RNLS: variants seen among roughly 807,000 people sequenced by gnomAD.
The protein encoded by RNLS is renalase, FAD dependent amine oxidase.
A neutral mutation model predicts 39.8 loss-of-function variants in RNLS; 39 were observed. The ratio of observed to expected loss-of-function variants is 0.98; its 90% confidence interval spans 0.76 to 1.28. RNLS has a LOEUF of 1.28. Ranked by LOEUF, RNLS falls within the 50% of genes most tolerant of loss-of-function variation. The pLI, the probability that RNLS is intolerant of heterozygous loss-of-function variation, is 0.00. For missense variants in RNLS, 410 were observed against 413.3 expected (o/e 0.99, Z 0.07); for synonymous variants, 147 against 150.7 (o/e 0.98, Z 0.18).
intron 3 of RNLS, 109 bp from the exon 4 acceptor site, chr10:88,573,170 C>T (rs905020147): frequency 1.1e-5 from 10 of 904,358 alleles, no homozygotes; most frequent in Middle Eastern, 2.3e-4. Flanking sequence ...ATGGCCAAGA[C>T]TGTCTTCTAC....
chr10:88,337,801 C>T (rs1174910830), intron 5 of RNLS, among the ~76,000 whole-genome samples: 2 of 152,208 alleles, frequency 1.3e-5, no homozygotes, highest in African/African-American at 2.4e-5. Context: ...TTTTATGTCA[C>T]TTGCAACTTA....
the RNLS span, among the ~76,000 whole-genome samples, chr10:88,189,975 C>A: frequency 6.6e-6 from 1 of 152,208 alleles, no homozygotes; most frequent in Non-Finnish European, 1.5e-5. Flanking sequence ...ATAACCAGAA[C>A]CATGACTCCT....
intron 6 of RNLS, among the ~76,000 whole-genome samples, chr10:88,290,058 T>G (rs1164139800): frequency 6.6e-6 from 1 of 151,902 alleles, no homozygotes; most frequent in Non-Finnish European, 1.5e-5. Flanking sequence ...AAAGTGCTTT[T>G]GGTGTGAAAA....
the RNLS span, among the ~76,000 whole-genome samples, chr10:88,175,851 G>A: frequency 6.6e-6 from 1 of 152,080 alleles, no homozygotes; most frequent in African/African-American, 2.4e-5. Context: ...GTCCCTCCCT[G>A]CTATTGTATT....
chr10:88,484,491 A>G (rs1372442664), intron 4 of RNLS, among the ~76,000 whole-genome samples: 1 of 152,026 alleles, frequency 6.6e-6, no homozygotes, highest in Non-Finnish European at 1.5e-5. Context: ...TAAACACAGC[A>G]TTCAATATCT....
intron 5 of RNLS, among the ~76,000 whole-genome samples, chr10:88,347,537 A>G (rs1564715251): frequency 6.6e-6 from 1 of 152,144 alleles, no homozygotes; most frequent in Non-Finnish European, 1.5e-5. Flanking sequence ...TAAAGAAACC[A>G]TAACGTTCCT....
chr10:88,212,957 TGATTCA>T, the RNLS span, among the ~76,000 whole-genome samples: 1 of 152,204 alleles, frequency 6.6e-6, no homozygotes, highest in Non-Finnish European at 1.5e-5. Context: ...TTCAAATGTG[TGATTCA>T]GAAGAATGTG....
chr10:88,432,547 T>C (rs1855196123), intron 4 of RNLS, among the ~76,000 whole-genome samples: 1 of 151,968 alleles, frequency 6.6e-6, no homozygotes, highest in African/African-American at 2.4e-5. Flanking sequence ...CCATCTTTTC[T>C]CTTTTTTTTC....
chr10:88,248,588 C>T, the RNLS span, among the ~76,000 whole-genome samples: 10 of 152,268 alleles, frequency 6.6e-5, no homozygotes, highest in East Asian at 3.9e-4. Flanking sequence ...AATTTTTCAA[C>T]GCTCAATCTT....
At chr10:88,198,993 T>C in the RNLS span, among the ~76,000 whole-genome samples, 1 of 152,172 alleles carries the variant, frequency 6.6e-6, no homozygotes, top group Non-Finnish European at 1.5e-5. Context: ...CTCCCTGCAC[T>C]CATTCCACCA....
chr10:88,441,875 G>A lies in RNLS; in HGVS notation c.527-79150C>T, dbSNP rs982837974. On this transcript the variant is annotated intron_variant, in intron 4 of 6. Transcript: ENST00000331772. ...CTTAATGGGGTTCCTGAGGAGGGCA[G>A]CTCCTAGCTGTGATGCCTTCCTTTA... 2.6e-5 allele frequency among the ~76,000 whole-genome samples: 4 copies of A among 152,330 alleles called. 1 individual carries two copies. The highest frequency in any genetic ancestry group is 4.8e-5 in the African/African-American group (2 of 41,566).
intron 4 of RNLS, among the ~76,000 whole-genome samples, chr10:88,436,935 CA>C (rs1025080286): frequency 3.9e-5 from 6 of 151,968 alleles, no homozygotes; most frequent in Admixed American, 3.9e-4. Flanking sequence ...ATTTCAAGAC[CA>C]AAAAAATGTT....
chr10:88,542,012 C>T (rs747619070), intron 4 of RNLS, among the ~76,000 whole-genome samples: 18 of 152,236 alleles, frequency 1.2e-4, no homozygotes, highest in East Asian at 1.9e-4. Flanking sequence ...AGATAAAAGA[C>T]GCCTTTGCAT....
intron 4 of RNLS, among the ~76,000 whole-genome samples, chr10:88,412,669 G>T (rs1209239048): frequency 6.6e-6 from 1 of 152,124 alleles, no homozygotes; most frequent in East Asian, 1.9e-4. Context: ...GCTCGAGTCA[G>T]ATGGCATAGG....
chr10:88,492,111 G>A (rs764798176), intron 4 of RNLS, among the ~76,000 whole-genome samples: 3 of 152,060 alleles, frequency 2.0e-5, no homozygotes, highest in Admixed American at 6.5e-5. Context: ...ATAGTAACAC[G>A]TGTTACATAT....
intron 6 of RNLS, among the ~76,000 whole-genome samples, chr10:88,275,239 C>A (rs1327382901): frequency 6.6e-6 from 1 of 152,158 alleles, no homozygotes; most frequent in Admixed American, 6.6e-5. Context: ...TTTATCCTAA[C>A]CTTGTCCCAC....
intron 4 of RNLS, among the ~76,000 whole-genome samples, chr10:88,495,357 G>T (rs1845106722): frequency 6.6e-6 from 1 of 152,104 alleles, no homozygotes; most frequent in Non-Finnish European, 1.5e-5. Context: ...AGCTGCAAGA[G>T]GGAGGGGGGA....
chr10:88,253,376 A>C, the RNLS span, among the ~76,000 whole-genome samples: 1 of 152,230 alleles, frequency 6.6e-6, no homozygotes, highest in African/African-American at 2.4e-5. Context: ...TGGAAGATGC[A>C]GTGTGCCAAA....
At chr10:88,226,710 T>C in the RNLS span, among the ~76,000 whole-genome samples, 5 of 151,346 alleles carry the variant, frequency 3.3e-5, no homozygotes, top group Non-Finnish European at 7.4e-5. Context: ...AACCCTCTCT[T>C]CTCTGAATTA....
Sources: allele counts gnomAD v4.1 joint callset (sites outside exome capture counted in the v4.1 genomes callset), GRCh38; gene constraint gnomAD v4.1.1; transcripts MANE v1.5; gene names NCBI Gene and HGNC (gene_info 2026-07-23, HGNC 2026-07-21).